The following SLC24A2 variants were observed in gnomAD, a reference collection of about 807,000 sequenced individuals.
SLC24A2 encodes the protein solute carrier family 24 member 2, also known as sodium/potassium/calcium exchanger 2.
SLC24A2 carries 36 observed loss-of-function variants against 62.0 expected under a neutral mutation model. That is an observed-to-expected ratio of 0.58 (90% CI 0.44 to 0.77). SLC24A2 has a LOEUF of 0.77. SLC24A2 is among the 30% of genes least tolerant of loss of function. SLC24A2 has a pLI of 0.00. For synonymous variants in SLC24A2, 358 were observed against 294.0 expected (o/e 1.22, Z -2.23); for missense variants, 846 against 817.9 (o/e 1.03, Z -0.42).
chr9:19,667,200 A>G (rs1366952229), intron 2 of SLC24A2, among the ~76,000 whole-genome samples: 1 of 152,236 alleles, frequency 6.6e-6, no homozygotes, highest in East Asian at 1.9e-4. Context: ...AAATCATGAC[A>G]GAGAGCTTGC....
At chr9:19,812,728 G>A in the SLC24A2 span, among the ~76,000 whole-genome samples, 7 of 151,922 alleles carry the variant, frequency 4.6e-5, no homozygotes, top group Admixed American at 4.6e-4. Context: ...GTCAAATATT[G>A]TTTATTACTA....
chr9:19,778,901 G>A (rs1480448003), intron 2 of SLC24A2, among the ~76,000 whole-genome samples: 1 of 152,054 alleles, frequency 6.6e-6, no homozygotes, highest in Non-Finnish European at 1.5e-5. Flanking sequence ...CATGTTTAGA[G>A]GAATAAAAGA....
At chr9:19,529,057 A>C (rs1315154527) in intron 8 of SLC24A2, among the ~76,000 whole-genome samples, 6 of 152,172 alleles carry the variant, frequency 3.9e-5, no homozygotes, top group Non-Finnish European at 7.3e-5. Context: ...CTTTGTTGAA[A>C]AATTGGGGTC....
chr9:20,219,828 T>A, the SLC24A2 span, among the ~76,000 whole-genome samples: 5 of 152,310 alleles, frequency 3.3e-5, no homozygotes, highest in African/African-American at 1.2e-4. Context: ...TGTTTGTCAA[T>A]AAACAATTTC....
rs567593887 is a variant in SLC24A2, at chr9:19,714,438, C to T, written c.930+71499G>A. 3.6e-4 allele frequency among the ~76,000 whole-genome samples: 54 copies of T among 151,892 alleles called. 2 individuals carry two copies. Among genetic ancestry groups the T allele is most frequent in the African/African-American group, 1.1e-3 (45 of 41,472 alleles). ...GTTATCTTGATTCTTTAAAATAAAA[C>T]AAAATAAAATAAAATAAAATAAATC... On this transcript the variant is annotated intron_variant, in intron 2 of 10. Coordinates refer to ENST00000341998, the MANE Select transcript of SLC24A2 (RefSeq NM_020344.4).
chr9:19,813,317 CTTTTTTTTT>C, the SLC24A2 span, among the ~76,000 whole-genome samples: 1 of 86,274 alleles, frequency 1.2e-5, no homozygotes, highest in Non-Finnish European at 2.1e-5. Flanking sequence ...TCATCTTCCT[CTTTTTTTTT>C]TTTTTTTTTT....
At chr9:19,660,729 C>G (rs1308004455) in intron 2 of SLC24A2, among the ~76,000 whole-genome samples, 2 of 152,154 alleles carry the variant, frequency 1.3e-5, no homozygotes, top group African/African-American at 2.4e-5. Flanking sequence ...CATTTTTCCT[C>G]TTATGAAAGG....
chr9:19,560,782 AGTTT>A (rs766281019), intron 7 of SLC24A2, among the ~76,000 whole-genome samples: 51 of 151,932 alleles, frequency 3.4e-4, no homozygotes, highest in African/African-American at 1.1e-3. Context: ...GTGTTCACTT[AGTTT>A]ATTTTTAAAT....
At chr9:20,052,645 T>G in the SLC24A2 span, among the ~76,000 whole-genome samples, 1 of 152,190 alleles carries the variant, frequency 6.6e-6, no homozygotes. Flanking sequence ...CCTCACGACA[T>G]TGCTGGTGAG....
chr9:19,787,770 A>G (rs1013782522), intron 1 of SLC24A2, among the ~76,000 whole-genome samples: 10 of 152,336 alleles, frequency 6.6e-5, no homozygotes, highest in African/African-American at 1.7e-4. Flanking sequence ...TAAAATAGGC[A>G]GCTTAGTAAG....
At chr9:19,808,160 C>A in the SLC24A2 span, among the ~76,000 whole-genome samples, 1 of 152,260 alleles carries the variant, frequency 6.6e-6, no homozygotes, top group South Asian at 2.1e-4. The surrounding 1 kb of genome is among the most constrained non-coding windows in gnomAD (Gnocchi z 4.1). Context: ...GCCACTGTTC[C>A]TTGTAGTTAA....
intron 2 of SLC24A2, among the ~76,000 whole-genome samples, chr9:19,766,570 C>A (rs532211059): frequency 6.6e-6 from 1 of 152,332 alleles, no homozygotes; most frequent in East Asian, 1.9e-4. Flanking sequence ...TTCTGTAGGT[C>A]TGCTGGAGTT....
At chr9:19,524,820 G>T (rs1237170965) in intron 9 of SLC24A2, among the ~76,000 whole-genome samples, 2 of 152,066 alleles carry the variant, frequency 1.3e-5, no homozygotes, top group Non-Finnish European at 2.9e-5. Flanking sequence ...AAACAAGACT[G>T]GAATTAAGGT....
intron 2 of SLC24A2, among the ~76,000 whole-genome samples, chr9:19,785,480 CGGTGACA>C (rs1564099981): frequency 6.6e-6 from 1 of 152,152 alleles, no homozygotes; most frequent in African/African-American, 2.4e-5. Flanking sequence ...GGTACAGCTA[CGGTGACA>C]CAAACTTTCT....
the SLC24A2 span, among the ~76,000 whole-genome samples, chr9:20,248,488 C>T: frequency 6.6e-6 from 1 of 152,076 alleles, no homozygotes; most frequent in Non-Finnish European, 1.5e-5. Context: ...TTTAGATGCC[C>T]ATCTTCCTGC....
the SLC24A2 span, among the ~76,000 whole-genome samples, chr9:20,056,634 T>A: frequency 1.5e-4 from 23 of 152,318 alleles, no homozygotes; most frequent in East Asian, 2.7e-3. Context: ...TAACTCTCAG[T>A]GGAAATCAGA....
chr9:19,741,324 G>C (rs935521480), intron 2 of SLC24A2, among the ~76,000 whole-genome samples: 4 of 152,170 alleles, frequency 2.6e-5, no homozygotes, highest in Non-Finnish European at 5.9e-5. Flanking sequence ...GTAGGAAAAA[G>C]AAGGAAGAGG....
chr9:19,598,685 G>A (rs1299622214), intron 4 of SLC24A2, among the ~76,000 whole-genome samples: 2 of 151,098 alleles, frequency 1.3e-5, no homozygotes, highest in African/African-American at 4.9e-5. Context: ...GTATATATAT[G>A]TATATATATA....
the SLC24A2 span, among the ~76,000 whole-genome samples, chr9:20,151,360 T>C: frequency 1.3e-5 from 2 of 151,932 alleles, no homozygotes; most frequent in African/African-American, 2.4e-5. Flanking sequence ...CCGACTTCCA[T>C]AACAACAGCA....
Sources: allele counts gnomAD v4.1 joint callset (sites outside exome capture counted in the v4.1 genomes callset), GRCh38; gene constraint gnomAD v4.1.1; non-coding constraint Gnocchi (gnomAD v3.1); transcripts MANE v1.5; gene names NCBI Gene and HGNC (gene_info 2026-07-23, HGNC 2026-07-21).